The following KBTBD11 variants were observed in gnomAD, a reference collection of about 807,000 sequenced individuals.
The protein encoded by KBTBD11 is kelch repeat and BTB domain-containing protein 11.
For missense variants in KBTBD11, 1,390 were observed against 1,001.8 expected, an observed-to-expected ratio of 1.39 and a Z score of -5.23; for synonymous variants, 747 against 499.0, an observed-to-expected ratio of 1.50 and a Z score of -6.63.
chr8:2,002,878 C>G lies in KBTBD11; in HGVS notation c.1686C>G (p.Ile562Met). 1 of 1,340,296 alleles carries G rather than the reference C, an allele frequency of 7.5e-7. No individual in the cohort carries two copies. Among genetic ancestry groups the G allele is most frequent in the South Asian group, 1.9e-5 (1 of 53,346 alleles). 83.0% of individuals were successfully genotyped at this position (1,340,296 alleles called of 1,614,324 possible). ...GCTGCGCCGCCCTGGACGGCGCCAT[C>G]TACTGCGTGAGCCGCGCGGGCACCT... ...PFRCAALDGA[I>M]YCVSRAGTWR... Residue 562 changes from isoleucine (I) to methionine (M), a missense_variant, in exon 2 of 2, where the codon ATC (isoleucine) becomes ATG (methionine). Transcript: ENST00000320248. The surrounding 1 kb of genome is among the most constrained non-coding windows in gnomAD (Gnocchi z 4.1).
rs1817348663 is a variant in KBTBD11 at position 2,001,432 on chromosome 8, C to T, written c.240C>T (p.Ala80=). The change falls in exon 2 of 2, where the codon GCC becomes GCT. Residue 80 remains alanine (A), a synonymous_variant. Transcript: ENST00000320248. ...GPRVVERQWE[A]GSAGAASPEE... is the part of the protein sequence containing the mutation. Reference sequence around the variant, plus strand: ...GGGTGGTGGAGCGGCAGTGGGAGGCCGGCAGCGCGGGCGCCGCGTCCCCGG... The same window carrying T: ...GGGTGGTGGAGCGGCAGTGGGAGGCTGGCAGCGCGGGCGCCGCGTCCCCGG... 1.5e-6 allele frequency: 2 copies of T among 1,360,156 alleles called. No homozygotes were observed. Among genetic ancestry groups the T allele is most frequent in the East Asian group, 6.1e-5 (2 of 32,550 alleles). The allele number at this position is 1,360,156 out of a possible 1,614,324, so 84.3% of individuals were successfully genotyped here.
Position 2,001,282 on chromosome 8 carries a change from G to C in KBTBD11, c.90G>C (p.Pro30=). 6.6e-7 allele frequency: 1 copy of C among 1,521,578 alleles called. No individual in the cohort carries two copies. The highest frequency in any genetic ancestry group is 8.8e-7 in the Non-Finnish European group (1 of 1,142,176). The allele number at this position is 1,521,578 out of a possible 1,614,324, so 94.3% of individuals were successfully genotyped here. ...GCGAGAGCGAGGGCGCCGCGTCCCCGGCGCAGACACCCTGCAGTCTCGGCG... is the reference window on the plus strand; with the variant it reads ...GCGAGAGCGAGGGCGCCGCGTCCCCCGCGCAGACACCCTGCAGTCTCGGCG... ...GESESEGAAS[P]AQTPCSLGAS... is the part of the protein sequence containing the mutation. Residue 30 remains proline (P), a synonymous_variant, in exon 2 of 2, where the codon CCG becomes CCC. Coordinates refer to ENST00000320248, the MANE Select transcript of KBTBD11 (RefSeq NM_014867.3).
rs576981949 is a variant in KBTBD11 at position 2,001,598 on chromosome 8, G to A, written c.406G>A (p.Val136Met). 2.6e-5 allele frequency: 39 copies of A among 1,472,772 alleles called. No homozygotes were observed. The African/African-American group carries it at 2.9e-4, about 11-fold the overall frequency. 91.2% of individuals were successfully genotyped at this position (1,472,772 alleles called of 1,614,324 possible). ...PAPVPPGFGA[V>M]YGEPDLVLEV... Reference sequence around the variant, plus strand: ...GCCCGTACCCCCGGGGTTCGGGGCGGTGTACGGGGAGCCGGACCTGGTGCT... The same window carrying A: ...GCCCGTACCCCCGGGGTTCGGGGCGATGTACGGGGAGCCGGACCTGGTGCT... Residue 136 changes from valine (V) to methionine (M), a missense_variant, in exon 2 of 2, where the codon GTG (valine) becomes ATG (methionine). Transcript: ENST00000320248.
rs1164740382 is a variant in KBTBD11, at chr8:2,002,825, G to A, written c.1633G>A (p.Gly545Ser). The A allele has an allele frequency of 7.0e-7, 1 of 1,429,578 alleles. No homozygotes were observed. 88.6% of individuals were successfully genotyped at this position (1,429,578 alleles called of 1,614,324 possible). A position where few individuals can be genotyped will look rare whatever the true frequency, so the allele number is the denominator to read the frequency against. The change falls in exon 2 of 2, where the codon GGC becomes AGC. Residue 545 changes from glycine (G) to serine (S), a missense_variant. By Grantham distance (56) the Gly-to-Ser change is moderately conservative. Coordinates refer to ENST00000320248, the MANE Select transcript of KBTBD11 (RefSeq NM_014867.3). This position sits in a 1 kb window ranked among gnomAD's most constrained non-coding sequence, Gnocchi z 4.1. Reference protein sequence around the residue: ...SPCVAPLRLPGGPTGLQPFRC... With the variant: ...SPCVAPLRLPSGPTGLQPFRC... Reference sequence around the variant, plus strand: ...GTGCGTCGCGCCCCTGCGCCTCCCCGGCGGCCCCACGGGCCTGCAGCCCTT... The same window carrying A: ...GTGCGTCGCGCCCCTGCGCCTCCCCAGCGGCCCCACGGGCCTGCAGCCCTT...
At position 2,002,402 on chromosome 8, in the gene KBTBD11, C is replaced by A; in HGVS notation, c.1210C>A (p.Gln404Lys). ...AVRPLRQARS[Q>K]LRLLALDGHL... ...GAGGCCCCTGCGCCAGGCGCGCTCG[C>A]AGCTGCGGCTGCTGGCCCTGGACGG... Residue 404 changes from glutamine (Q) to lysine (K), a missense_variant, in exon 2 of 2, where the codon CAG (glutamine) becomes AAG (lysine). Gln to Lys is a moderately conservative substitution (Grantham distance 53). Transcript: ENST00000320248. This position sits in a 1 kb window ranked among gnomAD's most constrained non-coding sequence, Gnocchi z 4.1. 6.7e-7 allele frequency: 1 copy of A among 1,482,490 alleles called. No homozygotes were observed. The highest frequency in any genetic ancestry group is 8.9e-7 in the Non-Finnish European group (1 of 1,122,838). The allele number at this position is 1,482,490 out of a possible 1,614,324, so 91.8% of individuals were successfully genotyped here.
intron 1 of KBTBD11, 98 bp downstream of exon 1, chr8:1,974,033 C>G (rs1251446835): frequency 1.1e-6 from 1 of 916,110 alleles, no homozygotes; most frequent in Admixed American, 6.6e-5. Context: ...GGGAGGTGGT[C>G]GGCGAGAGCG....
intron 1 of KBTBD11, among the ~76,000 whole-genome samples, chr8:1,991,711 G>T (rs1002509962): frequency 1.3e-5 from 2 of 152,008 alleles, no homozygotes; most frequent in African/African-American, 4.8e-5. Flanking sequence ...TGGGGGTCCT[G>T]CACTGCCCTG....
chr8:2,001,192 C>T lies in KBTBD11; in HGVS notation c.-1C>T. On this transcript the variant is annotated 5_prime_UTR_variant, in exon 2 of 2. Transcript: ENST00000320248. ...CGGGCGCAGCGCAGCACAGCCCGGC[C>T]ATGGAGCACGCGGTGGCCCCCTGCG... is the stretch of plus-strand genomic sequence containing the variant. 1.5e-6 allele frequency: 2 copies of T among 1,356,298 alleles called. No individual in the cohort carries two copies. The highest frequency in any genetic ancestry group is 1.9e-6 in the Non-Finnish European group (2 of 1,052,602). The allele number at this position is 1,356,298 out of a possible 1,614,324, so 84.0% of individuals were successfully genotyped here.
intron 1 of KBTBD11, among the ~76,000 whole-genome samples, chr8:1,983,463 G>A (rs192501413): frequency 7.9e-5 from 12 of 152,276 alleles, no homozygotes; most frequent in East Asian, 1.9e-4. Flanking sequence ...GGATTGTCTC[G>A]TTCCCTATTT....
Position 2,001,562 on chromosome 8 carries a change from G to A in KBTBD11, c.370G>A (p.Gly124Arg). ...LEDPASPEEP[G>R]EPAPVPPGFG... ...GGACCCCGCGTCCCCCGAGGAGCCC[G>A]GGGAGCCCGCGCCCGTACCCCCGGG... Residue 124 changes from glycine to arginine, a missense_variant, in exon 2 of 2, where the codon GGG becomes AGG. Gly to Arg is a moderately radical substitution (Grantham distance 125, BLOSUM62 -2). Coordinates refer to ENST00000320248, the MANE Select transcript of KBTBD11 (RefSeq NM_014867.3). 6.3e-6 allele frequency: 9 copies of A among 1,433,688 alleles called. No homozygotes were observed. Among genetic ancestry groups the A allele is most frequent in the East Asian group, 3.1e-5 (1 of 32,746 alleles). 88.8% of individuals were successfully genotyped at this position (1,433,688 alleles called of 1,614,324 possible). A position where few individuals can be genotyped will look rare whatever the true frequency, so the allele number is the denominator to read the frequency against.
intron 1 of KBTBD11, among the ~76,000 whole-genome samples, chr8:1,979,310 C>A (rs1362354698): frequency 1.3e-5 from 2 of 152,162 alleles, no homozygotes; most frequent in Non-Finnish European, 2.9e-5. Flanking sequence ...AAAATCTTCC[C>A]ATGTAAATGT....
intron 1 of KBTBD11, among the ~76,000 whole-genome samples, chr8:1,993,958 C>CACAAAAAA (rs1554527404): frequency 1.4e-5 from 2 of 148,134 alleles, no homozygotes; most frequent in African/African-American, 5.0e-5. Context: ...CACACACACA[C>CACAAAAAA]AAAACCCCAT....
At position 2,006,750 on chromosome 8, in the gene KBTBD11, A is replaced by C. The variant is rs1278089861; in HGVS notation, c.*3686A>C. 1.2e-5 allele frequency: 2 copies of C among 167,134 alleles called. No homozygotes were observed. Among genetic ancestry groups the C allele is most frequent in the Non-Finnish European group, 1.5e-5 (1 of 68,136 alleles). 10.4% of individuals were successfully genotyped at this position (167,134 alleles called of 1,614,324 possible). A position where few individuals can be genotyped will look rare whatever the true frequency, so the allele number is the denominator to read the frequency against. On this transcript the variant is annotated 3_prime_UTR_variant, in exon 2 of 2. Coordinates refer to ENST00000320248, the MANE Select transcript of KBTBD11 (RefSeq NM_014867.3). ...CTGTTCAAGCTCTAAGCGATTCTCA[A>C]ATGTTACCATTTATTAAAGGTAAAC...
intron 1 of KBTBD11, among the ~76,000 whole-genome samples, chr8:1,984,864 G>A (rs1037054709): frequency 3.1e-4 from 47 of 152,158 alleles, no homozygotes; most frequent in African/African-American, 9.9e-4. Context: ...TTCAGGCCAC[G>A]TTGCTGCTGT....
chr8:1,997,713 C>T (rs1248668290), intron 1 of KBTBD11, among the ~76,000 whole-genome samples: 3 of 152,246 alleles, frequency 2.0e-5, no homozygotes, highest in Non-Finnish European at 2.9e-5. Context: ...AGCTGCTGGC[C>T]TGCTTTTGCC....
At chr8:1,980,287 C>T (rs916381846) in intron 1 of KBTBD11, among the ~76,000 whole-genome samples, 3 of 136,768 alleles carry the variant, frequency 2.2e-5, no homozygotes, top group South Asian at 2.3e-4. Context: ...AGTGCAGTGG[C>T]GCAATCTCAG....
intron 1 of KBTBD11, among the ~76,000 whole-genome samples, chr8:1,985,108 T>G (rs1044622677): frequency 1.3e-4 from 20 of 152,354 alleles, no homozygotes; most frequent in Non-Finnish European, 2.5e-4. Flanking sequence ...GAACTCCTGT[T>G]GCCGACAGCC....
rs914678787 is a variant in KBTBD11 at position 1,974,314 on chromosome 8, C to G, written c.-909+379C>G. On this transcript the variant is annotated intron_variant, in intron 1 of 1. Transcript: ENST00000320248. ...CCCGGCCGGAAGACAATGAGCCGCCCGCGCCGCGCCCGCAGTCACCGCCCC... is the reference window on the plus strand; with the variant it reads ...CCCGGCCGGAAGACAATGAGCCGCCGGCGCCGCGCCCGCAGTCACCGCCCC... 6.3e-5 allele frequency: 62 copies of G among 984,522 alleles called. No individual in the cohort carries two copies. In the South Asian group the frequency reaches 2.7e-3, roughly 43 times the overall value. 61.0% of individuals were successfully genotyped at this position (984,522 alleles called of 1,614,324 possible). A position where few individuals can be genotyped will look rare whatever the true frequency, so the allele number is the denominator to read the frequency against.
At chr8:1,997,297 C>T (rs1036255494) in intron 1 of KBTBD11, among the ~76,000 whole-genome samples, 9 of 152,076 alleles carry the variant, frequency 5.9e-5, no homozygotes, top group Non-Finnish European at 8.8e-5. Context: ...AACATCTGAC[C>T]CTAACAGTCA....
Sources: gnomAD v4.1 joint callset for allele counts (sites outside exome capture counted in the v4.1 genomes callset) on GRCh38, gnomAD v4.1.1 for gene constraint, Gnocchi (gnomAD v3.1) non-coding constraint, MANE v1.5 for transcripts, NCBI Gene and HGNC (gene_info 2026-07-23, HGNC 2026-07-21) for gene names.